Variants in AGBL1 observed in about 807,000 individuals in gnomAD.
AGBL1 encodes the protein cytosolic carboxypeptidase 4.
AGBL1 carries 130 observed loss-of-function variants against 118.9 expected under a neutral mutation model. The ratio of observed to expected loss-of-function variants is 1.09; its 90% CI spans 0.95 to 1.26. The LOEUF (loss-of-function observed/expected upper bound fraction) is 1.26. Among genes scored for constraint, AGBL1 ranks in the 50% most tolerant of loss-of-function variants. The probability of loss-of-function intolerance (pLI) is 0.00; values close to 1 mark genes in which losing one functional copy is unlikely to be tolerated. For synonymous variants in AGBL1, 555 were observed against 478.9 expected (o/e 1.16, Z -2.08); for missense variants, 1,584 against 1,298.1 (o/e 1.22, Z -3.38).
chr15:86,135,267 A>G (rs999840151), intron 1 of AGBL1, among the ~76,000 whole-genome samples: 1 of 152,208 alleles, frequency 6.6e-6, no homozygotes, highest in Non-Finnish European at 1.5e-5. Context: ...GCCTCATACC[A>G]TGAGCAGAAA....
intron 23 of AGBL1, among the ~76,000 whole-genome samples, chr15:86,967,675 A>G (rs1689826257): frequency 6.6e-6 from 1 of 151,744 alleles, no homozygotes; most frequent in Non-Finnish European, 1.5e-5. Context: ...ATTCTGTTCC[A>G]TTGTTCTATA....
chr15:86,750,610 T>C (rs1262505013), intron 22 of AGBL1, among the ~76,000 whole-genome samples: 1 of 152,110 alleles, frequency 6.6e-6, no homozygotes, highest in African/African-American at 2.4e-5. Context: ...GGATTGCTTA[T>C]AAGAATGATA....
intron 21 of AGBL1, among the ~76,000 whole-genome samples, chr15:86,593,295 G>GA (rs1463407826): frequency 2.3e-5 from 2 of 88,040 alleles, no homozygotes; most frequent in African/African-American, 3.9e-5. Flanking sequence ...AGGAACCTTA[G>GA]ATTTTTTTTT....
chr15:86,592,565 G>A (rs578237223), intron 21 of AGBL1, among the ~76,000 whole-genome samples: 4 of 152,324 alleles, frequency 2.6e-5, no homozygotes, highest in Non-Finnish European at 5.9e-5. Context: ...CACTTGGGAG[G>A]GGCCGTGTGT....
At chr15:86,221,856 C>T (rs933843107) in intron 5 of AGBL1, among the ~76,000 whole-genome samples, 4 of 152,034 alleles carry the variant, frequency 2.6e-5, no homozygotes, top group African/African-American at 9.7e-5. Context: ...CTAACCTTTG[C>T]TACATGAAAT....
At chr15:86,735,306 C>T (rs1275057004) in intron 22 of AGBL1, among the ~76,000 whole-genome samples, 1 of 151,942 alleles carries the variant, frequency 6.6e-6, no homozygotes. Flanking sequence ...GTTTTGAACT[C>T]CTGACCTCAG....
At chr15:86,298,321 C>CTATATATA (rs1251385961) in intron 17 of AGBL1, among the ~76,000 whole-genome samples, 1 of 85,120 alleles carries the variant, frequency 1.2e-5, no homozygotes, top group Non-Finnish European at 2.5e-5. Context: ...ATATAGGTAA[C>CTATATATA]TATATATATG....
intron 18 of AGBL1, among the ~76,000 whole-genome samples, chr15:86,436,896 G>T (rs960981831): frequency 1.3e-5 from 2 of 152,090 alleles, no homozygotes; most frequent in African/African-American, 2.4e-5. Context: ...CCAAAGTTGG[G>T]CCTTCTAGTA....
At chr15:86,578,111 C>T (rs1289866623) in intron 21 of AGBL1, among the ~76,000 whole-genome samples, 1 of 152,176 alleles carries the variant, frequency 6.6e-6, no homozygotes. Flanking sequence ...ACACTCAACA[C>T]CAGCCTGTGA....
intron 22 of AGBL1, among the ~76,000 whole-genome samples, chr15:86,836,645 G>A (rs1319101556): frequency 1.3e-5 from 2 of 151,972 alleles, no homozygotes; most frequent in Non-Finnish European, 2.9e-5. Flanking sequence ...TTTTTATCCT[G>A]GTCCCAGTGA....
intron 18 of AGBL1, among the ~76,000 whole-genome samples, chr15:86,464,636 G>A (rs572662420): frequency 3.3e-5 from 5 of 152,274 alleles, no homozygotes; most frequent in African/African-American, 1.2e-4. Context: ...TTTATTGAGA[G>A]TTTTTAGCAT....
Position 86,549,634 on chromosome 15 carries a change from C to T in AGBL1, c.2817+3501C>T, listed in dbSNP as rs115281168. Among the ~76,000 whole-genome samples, 286 of 152,034 alleles carry T rather than the reference C, an allele frequency of 1.9e-3. 1 individual carries two copies. Among genetic ancestry groups the T allele is most frequent in the African/African-American group, 6.3e-3 (262 of 41,448 alleles). Reference sequence around the variant, plus strand: ...TGAAGAATCAAGAATGTGAAATCCACGCTCAGGAAACAAAGCAGTCAGTAG... The same window carrying T: ...TGAAGAATCAAGAATGTGAAATCCATGCTCAGGAAACAAAGCAGTCAGTAG... On this transcript the variant is annotated intron_variant, in intron 20 of 22. Transcript: ENST00000614907.
At chr15:86,503,354 A>G (rs2082938469) in intron 18 of AGBL1, among the ~76,000 whole-genome samples, 1 of 151,272 alleles carries the variant, frequency 6.6e-6, no homozygotes, top group South Asian at 2.1e-4. Context: ...AGTTTGACAA[A>G]AAGGTTTATC....
intron 16 of AGBL1, among the ~76,000 whole-genome samples, chr15:86,289,403 T>C: frequency 6.6e-6 from 1 of 152,204 alleles, no homozygotes; most frequent in Non-Finnish European, 1.5e-5. Flanking sequence ...ATAATATATT[T>C]GAACTTATAC....
In AGBL1 at chr15:86,266,424, T is replaced by C. The variant is rs781154131; in HGVS notation, c.1718T>C (p.Ile573Thr). Residue 573 changes from isoleucine to threonine, a missense_variant, in exon 12 of 23, where the codon ATA (isoleucine) becomes ACA (threonine). Physicochemically the swap from Ile to Thr is moderately conservative, Grantham distance 89. Coordinates refer to ENST00000614907, the MANE Select transcript of AGBL1 (RefSeq NM_001386094.1). The part of the protein sequence containing the change: ...IRRLIQPSDV[I>T]NKVVFSLDEP... ...AGGCTCATCCAGCCAAGTGATGTTA[T>C]AAATAAAGTTGTCTTCAGTTTAGAT... 2 of 1,576,996 alleles carry C rather than the reference T, an allele frequency of 1.3e-6. No individual in the cohort carries two copies. The highest frequency in any genetic ancestry group is 1.7e-6 in the Non-Finnish European group (2 of 1,159,414).
At chr15:86,132,292 G>A (rs1184431294) in intron 1 of AGBL1, among the ~76,000 whole-genome samples, 1 of 152,144 alleles carries the variant, frequency 6.6e-6, no homozygotes, top group African/African-American at 2.4e-5. Context: ...AGGCAGGGAG[G>A]AGCCTCCCTG....
chr15:86,698,007 T>C (rs1320373516), intron 22 of AGBL1, among the ~76,000 whole-genome samples: 1 of 152,022 alleles, frequency 6.6e-6, no homozygotes, highest in Non-Finnish European at 1.5e-5. Context: ...TCCTAGTATA[T>C]TCCTGCAGTA....
At chr15:86,927,899 T>C (rs992443004) in intron 23 of AGBL1, among the ~76,000 whole-genome samples, 3 of 151,716 alleles carry the variant, frequency 2.0e-5, no homozygotes, top group African/African-American at 7.3e-5. Context: ...GGTGAGCAGC[T>C]ACTTCAAGGA....
intron 24 of AGBL1, among the ~76,000 whole-genome samples, chr15:87,001,985 A>G (rs1466335011): frequency 6.6e-6 from 1 of 152,014 alleles, no homozygotes; most frequent in Non-Finnish European, 1.5e-5. Flanking sequence ...TAGTTTAATT[A>G]GATCCCATTT....
Sources: gnomAD v4.1 joint callset for allele counts (sites outside exome capture counted in the v4.1 genomes callset) on GRCh38, gnomAD v4.1.1 for gene constraint, MANE v1.5 for transcripts, NCBI Gene and HGNC (gene_info 2026-07-23, HGNC 2026-07-21) for gene names.